Variants in MMRN2 observed in about 807,000 individuals in gnomAD.
The protein encoded by MMRN2 is multimerin-2.
A neutral mutation model predicts 68.8 loss-of-function variants in MMRN2; 53 were observed. The observed-to-expected ratio is 0.77, with a 90% CI of 0.62 to 0.97. The LOEUF is 0.97. Among genes scored for constraint, MMRN2 ranks in the 50% least tolerant of loss-of-function variants. The pLI, the probability that MMRN2 is intolerant of heterozygous loss-of-function variation, is 0.00. For synonymous variants in MMRN2, 564 were observed against 551.6 expected, an observed-to-expected ratio of 1.02 and a Z score of -0.32; for missense variants, 1,266 against 1,259.5, an observed-to-expected ratio of 1.01 and a Z score of -0.08.
At position 86,943,060 on chromosome 10, in the gene MMRN2, A is replaced by C; in HGVS notation, c.1724T>G (p.Val575Gly). ...GGCCGCGGCCGCCTTCAGCGCGCCCACCTCGTCATCCAGCGCCTGCACTTG... is the reference window on the plus strand; with the variant it reads ...GGCCGCGGCCGCCTTCAGCGCGCCCCCCTCGTCATCCAGCGCCTGCACTTG... ...RSQVQALDDE[V>G]GALKAAAAEA... is the part of the protein sequence containing the mutation. The change falls in exon 6 of 7, where the codon GTG becomes GGG. Residue 575 changes from valine (V) to glycine (G), a missense_variant. By Grantham distance (109) the Val-to-Gly change is moderately radical. Transcript: ENST00000372027. This position sits in a 1 kb window ranked among gnomAD's most constrained non-coding sequence, Gnocchi z 4.2. 1 of 1,395,096 alleles carries C rather than the reference A, an allele frequency of 7.2e-7. No homozygotes were observed. Among genetic ancestry groups the C allele is most frequent in the Non-Finnish European group, 9.2e-7 (1 of 1,081,920 alleles). The allele number at this position is 1,395,096 out of a possible 1,614,324, so 86.4% of individuals were successfully genotyped here. A position where few individuals can be genotyped will look rare whatever the true frequency, so the allele number is the denominator to read the frequency against.
rs562757522 is a variant in MMRN2, at chr10:86,953,148, A to G, written c.164+4230T>C. 2.6e-5 allele frequency among the ~76,000 whole-genome samples: 4 copies of G among 152,242 alleles called. No individual in the cohort carries two copies. In the South Asian group the frequency reaches 8.3e-4, roughly 32 times the overall value. On this transcript the variant is annotated intron_variant, in intron 1 of 6. Coordinates refer to ENST00000372027, the MANE Select transcript of MMRN2 (RefSeq NM_024756.3). ...TTCTGTTCATTTTCAAGGTGCACTGATATCATATTATTAAAACACACGTTT... is the reference window on the plus strand; with the variant it reads ...TTCTGTTCATTTTCAAGGTGCACTGGTATCATATTATTAAAACACACGTTT...
At position 86,937,074 on chromosome 10, in the gene MMRN2, T is replaced by C; in HGVS notation, c.2519A>G (p.Gln840Arg). Residue 840 changes from glutamine (Q) to arginine (R), a missense_variant, in exon 7 of 7, where the codon CAG becomes CGG. Transcript: ENST00000372027. ...GTATGTGGTGTTGAACTTCACTGTC[T>C]GCAGGGCAGCCGTCCCTTCTGAAAA... ...ASFSEGTAALQTVKFNTTYIN... is the reference protein window; with the variant it reads ...ASFSEGTAALRTVKFNTTYIN... 1 of 1,614,218 alleles carries C rather than the reference T, an allele frequency of 6.2e-7. No individual in the cohort carries two copies. Among genetic ancestry groups the C allele is most frequent in the Non-Finnish European group, 8.5e-7 (1 of 1,180,032 alleles).
rs190259623 is a variant in MMRN2, at chr10:86,939,587, G to A, written c.2468-2462C>T. On this transcript the variant is annotated intron_variant, in intron 6 of 6. Transcript: ENST00000372027. ...TGCCTAGCCGAAGGAAGGCCGGCCC[G>A]CAGCGCCCTCTACCGGTGCTAGGCC... Among the ~76,000 whole-genome samples the A allele has an allele frequency of 2.3e-3, 346 of 149,986 alleles. 4 individuals are homozygous for A. Among genetic ancestry groups the A allele is most frequent in the African/African-American group, 8.1e-3 (331 of 40,908 alleles).
chr10:86,936,699 G>A lies in MMRN2; in HGVS notation c.*44C>T, dbSNP rs373821031. 1.3e-6 allele frequency: 2 copies of A among 1,598,032 alleles called. No homozygotes were observed. Among genetic ancestry groups the A allele is most frequent in the Non-Finnish European group, 1.7e-6 (2 of 1,169,660 alleles). ...CTTGGCCAGAGCCCCAGGCCGAGGA[G>A]AGCTGGGCGAGTCCATGATGTCTGA... is the stretch of plus-strand genomic sequence containing the variant. On this transcript the variant is annotated 3_prime_UTR_variant, in exon 7 of 7. Coordinates refer to ENST00000372027, the MANE Select transcript of MMRN2 (RefSeq NM_024756.3).
At chr10:86,952,476 G>A (rs546494915) in intron 1 of MMRN2, among the ~76,000 whole-genome samples, 25 of 152,208 alleles carry the variant, frequency 1.6e-4, no homozygotes, top group Non-Finnish European at 2.5e-4. Context: ...GAGAAATAAA[G>A]AGAAAGAGTT....
chr10:86,938,853 C>G (rs1843915441), intron 6 of MMRN2, among the ~76,000 whole-genome samples: 1 of 152,230 alleles, frequency 6.6e-6, no homozygotes, highest in Non-Finnish European at 1.5e-5. Context: ...GAATAGCTTT[C>G]TCATTTGTGT....
chr10:86,956,028 G>A (rs540752545), intron 1 of MMRN2, among the ~76,000 whole-genome samples: 2 of 152,082 alleles, frequency 1.3e-5, no homozygotes, highest in Non-Finnish European at 2.9e-5. Context: ...CCCGTCCACC[G>A]GGTCCTCTCA....
At chr10:86,939,021 G>T (rs1271324286) in intron 6 of MMRN2, among the ~76,000 whole-genome samples, 1 of 151,988 alleles carries the variant, frequency 6.6e-6, no homozygotes, top group Non-Finnish European at 1.5e-5. Flanking sequence ...AATTAGCCAG[G>T]CGTGGTGGGG....
chr10:86,957,340 C>T, intron 1 of MMRN2, 38 bp downstream of exon 1: 1 of 1,607,894 alleles, frequency 6.2e-7, no homozygotes, highest in East Asian at 2.2e-5. Context: ...GACTCAGATC[C>T]TACTCCATGA....
At chr10:86,957,017 G>A (rs1844245353) in intron 1 of MMRN2, among the ~76,000 whole-genome samples, 1 of 152,232 alleles carries the variant, frequency 6.6e-6, no homozygotes, top group South Asian at 2.1e-4. Context: ...CTGGGTCTCA[G>A]CTTTCAGAAT....
Position 86,945,410 on chromosome 10 carries a change from C to T in MMRN2, c.360G>A (p.Arg120=). 4 of 1,581,852 alleles carry T rather than the reference C, an allele frequency of 2.5e-6. No homozygotes were observed. The highest frequency in any genetic ancestry group is 3.4e-6 in the Non-Finnish European group (4 of 1,162,858). Residue 120 remains arginine, a synonymous_variant, in exon 3 of 7, where the codon AGG becomes AGA. Coordinates refer to ENST00000372027, the MANE Select transcript of MMRN2 (RefSeq NM_024756.3). ...TGGGGCCCGTGTAGCCAGGGCAGCA[C>T]CTCCAGGCCAAAGAGGTCAGCACCT... ...KQKVLTSLAW[R]CCPGYTGPNC... is the part of the protein sequence containing the mutation.
intron 4 of MMRN2, among the ~76,000 whole-genome samples, 173 bp downstream of exon 4, chr10:86,945,015 C>T (rs1227757247): frequency 6.6e-6 from 1 of 152,214 alleles, no homozygotes; most frequent in Non-Finnish European, 1.5e-5. Flanking sequence ...CCGCTGGGGG[C>T]CCTGTGAGCC....
intron 1 of MMRN2, among the ~76,000 whole-genome samples, chr10:86,955,398 C>T (rs903424225): frequency 2.0e-5 from 3 of 152,204 alleles, no homozygotes; most frequent in South Asian, 2.1e-4. Flanking sequence ...TTAACCCCTT[C>T]GCTTCTCCAC....
rs1844006481 is a variant in MMRN2, at chr10:86,943,300, T to C, written c.1484A>G (p.Gln495Arg). 1 of 1,613,708 alleles carries C rather than the reference T, an allele frequency of 6.2e-7. No homozygotes were observed. Among genetic ancestry groups the C allele is most frequent in the South Asian group, 1.1e-5 (1 of 91,088 alleles). The change falls in exon 6 of 7, where the codon CAG (glutamine) becomes CGG (arginine). Residue 495 changes from glutamine (Q) to arginine (R), a missense_variant. Coordinates refer to ENST00000372027, the MANE Select transcript of MMRN2 (RefSeq NM_024756.3). This position sits in a 1 kb window ranked among gnomAD's most constrained non-coding sequence, Gnocchi z 4.2. ...GACGTCCAGGTCTAAATAGAGCTTC[T>C]GGCAATTGCAGTCCTTCACGTACTT... ...LIKYVKDCNC[Q>R]KLYLDLDVIR...
intron 6 of MMRN2, among the ~76,000 whole-genome samples, 185 bp from the exon 7 acceptor site, chr10:86,937,310 C>T (rs147509990): frequency 2.7e-4 from 41 of 152,250 alleles, no homozygotes; most frequent in African/African-American, 9.4e-4. Flanking sequence ...TTCTGTTTTT[C>T]ACTAATAGAG....
At chr10:86,956,775 G>C (rs769253126) in intron 1 of MMRN2, among the ~76,000 whole-genome samples, 1 of 152,224 alleles carries the variant, frequency 6.6e-6, no homozygotes, top group Non-Finnish European at 1.5e-5. Flanking sequence ...GATGAGGGGG[G>C]ACTTACAGGC....
intron 6 of MMRN2, among the ~76,000 whole-genome samples, chr10:86,938,095 T>G (rs1355289162): frequency 6.6e-6 from 1 of 152,176 alleles, no homozygotes; most frequent in African/African-American, 2.4e-5. Flanking sequence ...CCATCATGCC[T>G]GGCTAATTTT....
intron 1 of MMRN2, among the ~76,000 whole-genome samples, chr10:86,954,595 G>A (rs1315505949): frequency 3.9e-5 from 6 of 152,194 alleles, no homozygotes; most frequent in African/African-American, 9.6e-5. Flanking sequence ...GAAGGAAGGC[G>A]TGTTCTCAGC....
chr10:86,950,953 G>A (rs773052889), intron 1 of MMRN2, among the ~76,000 whole-genome samples: 1 of 152,080 alleles, frequency 6.6e-6, no homozygotes, highest in African/African-American at 2.4e-5. Context: ...CTAGCTCATA[G>A]ATAATGCTAC....
Sources: gnomAD v4.1 joint callset for allele counts (sites outside exome capture counted in the v4.1 genomes callset) on GRCh38, gnomAD v4.1.1 for gene constraint, Gnocchi (gnomAD v3.1) non-coding constraint, MANE v1.5 for transcripts, NCBI Gene and HGNC (gene_info 2026-07-23, HGNC 2026-07-21) for gene names.